Variants in SRBD1 observed in about 807,000 individuals in gnomAD.
SRBD1 encodes the protein S1 RNA-binding domain-containing protein 1.
A neutral mutation model predicts 115.3 loss-of-function variants in SRBD1; 88 were observed. The ratio of observed to expected loss-of-function variants is 0.76; its 90% CI spans 0.64 to 0.91. The LOEUF is 0.91. Ranked by LOEUF, SRBD1 falls within the 40% of genes least tolerant of loss-of-function variation. SRBD1 has a pLI of 0.00. For synonymous variants in SRBD1, 509 were observed against 407.7 expected, an observed-to-expected ratio of 1.25 and a Z score of -2.99; for missense variants, 1,385 against 1,177.4, an observed-to-expected ratio of 1.18 and a Z score of -2.58.
At chr2:45,580,073 G>C (rs1036831884) in intron 6 of SRBD1, 60 bp from the exon 7 acceptor site, 1 of 1,374,742 alleles carries the variant, frequency 7.3e-7, no homozygotes, top group Non-Finnish European at 9.6e-7. Context: ...GTTAAAACTA[G>C]GTTACAAAAT....
intron 16 of SRBD1, among the ~76,000 whole-genome samples, chr2:45,454,741 A>C (rs1253297728): frequency 6.6e-6 from 1 of 151,862 alleles, no homozygotes; most frequent in Non-Finnish European, 1.5e-5. Context: ...CTTCTCACAA[A>C]CAGCACGGTT....
At chr2:45,469,669 A>T (rs1669590151) in intron 16 of SRBD1, among the ~76,000 whole-genome samples, 1 of 152,192 alleles carries the variant, frequency 6.6e-6, no homozygotes, top group African/African-American at 2.4e-5. Flanking sequence ...CCAGAAAAGA[A>T]ATTTTAAAAC....
intron 11 of SRBD1, 51 bp downstream of exon 11, chr2:45,553,572 T>C (rs565708542): frequency 1.7e-6 from 2 of 1,209,286 alleles, no homozygotes; most frequent in African/African-American, 1.5e-5. Context: ...ATGGTACTAG[T>C]ATCATATAAC....
chr2:45,434,552 T>C (rs1668432740), intron 16 of SRBD1, among the ~76,000 whole-genome samples: 1 of 152,220 alleles, frequency 6.6e-6, no homozygotes, highest in South Asian at 2.1e-4. Flanking sequence ...AATAATTTCA[T>C]AAATTTTTAA....
At chr2:45,527,306 G>A (rs545553190) in intron 14 of SRBD1, among the ~76,000 whole-genome samples, 1 of 151,916 alleles carries the variant, frequency 6.6e-6, no homozygotes, top group South Asian at 2.1e-4. Flanking sequence ...AGTCATAAAT[G>A]AATTTCCGAA....
At chr2:45,582,277 G>C (rs1278106666) in intron 5 of SRBD1, among the ~76,000 whole-genome samples, 1 of 152,044 alleles carries the variant, frequency 6.6e-6, no homozygotes, top group Non-Finnish European at 1.5e-5. Context: ...CTGCAGCTTG[G>C]GTTTCTCTGA....
At chr2:45,605,701 C>T (rs1039405617) in intron 1 of SRBD1, among the ~76,000 whole-genome samples, 1 of 152,042 alleles carries the variant, frequency 6.6e-6, no homozygotes, top group African/African-American at 2.4e-5. Context: ...GTCAGGAGTT[C>T]GAGACCAGCC....
At chr2:45,487,528 G>A (rs1011160686) in intron 15 of SRBD1, among the ~76,000 whole-genome samples, 1 of 152,046 alleles carries the variant, frequency 6.6e-6, no homozygotes, top group Non-Finnish European at 1.5e-5. Context: ...CTGAAAGTCT[G>A]TGTACTTTCA....
rs78237412 is a variant in SRBD1 at position 45,391,273 on chromosome 2, C to A, written c.2698+1672G>T. On this transcript the variant is annotated intron_variant, in intron 20 of 20. Coordinates refer to ENST00000263736, the MANE Select transcript of SRBD1 (RefSeq NM_018079.5). Reference sequence around the variant, plus strand: ...CACTTTCATAGCCAAGCATTTTCAGCCCCTGTGTCTGGACTGCTTCTAATA... The same window carrying A: ...CACTTTCATAGCCAAGCATTTTCAGACCCTGTGTCTGGACTGCTTCTAATA... Among the ~76,000 whole-genome samples, 13 of 152,242 alleles carry A rather than the reference C, an allele frequency of 8.5e-5. No homozygotes were observed. In the East Asian group the frequency reaches 1.7e-3, roughly 20 times the overall value.
At chr2:45,609,190 G>T (rs928116166) in intron 1 of SRBD1, among the ~76,000 whole-genome samples, 1 of 152,124 alleles carries the variant, frequency 6.6e-6, no homozygotes, top group Non-Finnish European at 1.5e-5. Context: ...TTGATGTTTT[G>T]ACATATGTAT....
chr2:45,521,573 C>A (rs4476395), intron 14 of SRBD1, among the ~76,000 whole-genome samples: 22,925 of 151,890 alleles, frequency 0.15, 2,516 homozygotes, highest in African/African-American at 0.31. Context: ...AATGGTGCAG[C>A]CATTATGATA....
chr2:45,464,487 C>T (rs1430578280), intron 16 of SRBD1, among the ~76,000 whole-genome samples: 2 of 152,090 alleles, frequency 1.3e-5, no homozygotes, highest in Non-Finnish European at 2.9e-5. Context: ...AAGTAACAGC[C>T]CTCATAAAAG....
At chr2:45,406,282 A>T (rs1200218665) in intron 19 of SRBD1, among the ~76,000 whole-genome samples, 1 of 151,990 alleles carries the variant, frequency 6.6e-6, no homozygotes, top group Non-Finnish European at 1.5e-5. Context: ...ATACAGAGAC[A>T]ATCTGAAGAC....
intron 15 of SRBD1, among the ~76,000 whole-genome samples, chr2:45,478,162 T>G (rs1669860329): frequency 1.3e-5 from 2 of 152,178 alleles, no homozygotes; most frequent in Non-Finnish European, 2.9e-5. Flanking sequence ...TGGAAGCTAA[T>G]CAGTGTCACC....
intron 14 of SRBD1, among the ~76,000 whole-genome samples, chr2:45,534,184 T>A (rs919803859): frequency 1.3e-5 from 2 of 151,822 alleles, no homozygotes; most frequent in South Asian, 2.1e-4. Flanking sequence ...TACACACACA[T>A]CCAAATTATT....
intron 2 of SRBD1, among the ~76,000 whole-genome samples, chr2:45,604,901 T>G (rs1465829822): frequency 6.6e-6 from 1 of 152,218 alleles, no homozygotes; most frequent in African/African-American, 2.4e-5. Context: ...CAACTGGGGA[T>G]ATCTAGCAAT....
intron 18 of SRBD1, among the ~76,000 whole-genome samples, chr2:45,417,091 A>C (rs977024320): frequency 1.1e-4 from 17 of 152,204 alleles, no homozygotes; most frequent in African/African-American, 3.9e-4. Flanking sequence ...ACAAAAACAG[A>C]ATCATTTTAT....
At chr2:45,520,590 C>G (rs913793975) in intron 14 of SRBD1, among the ~76,000 whole-genome samples, 3 of 152,180 alleles carry the variant, frequency 2.0e-5, no homozygotes, top group African/African-American at 4.8e-5. Flanking sequence ...GCCCACCATG[C>G]CTTCCTATCC....
At chr2:45,574,940 C>G (rs889754308) in intron 7 of SRBD1, among the ~76,000 whole-genome samples, 2 of 152,090 alleles carry the variant, frequency 1.3e-5, no homozygotes, top group Non-Finnish European at 2.9e-5. Context: ...ATATACTGCC[C>G]AGTGGTAAAA....
Sources: allele counts gnomAD v4.1 joint callset (sites outside exome capture counted in the v4.1 genomes callset), GRCh38; gene constraint gnomAD v4.1.1; transcripts MANE v1.5; gene names NCBI Gene and HGNC (gene_info 2026-07-23, HGNC 2026-07-21).